The following LPP variants were observed in gnomAD, a reference collection of about 807,000 sequenced individuals.
LPP encodes the protein LIM domain containing preferred translocation partner in lipoma.
Under a neutral mutation model 60.4 loss-of-function variants are expected in LPP, and 38 were observed. That is an observed-to-expected ratio of 0.63 (90% CI 0.49 to 0.83). The LOEUF (loss-of-function observed/expected upper bound fraction) is 0.83. Ranked by LOEUF, LPP falls within the 40% of genes least tolerant of loss-of-function variation. The pLI, the probability that LPP is intolerant of heterozygous loss-of-function variation, is 0.00. For synonymous variants in LPP, 328 were observed against 290.8 expected (o/e 1.13, Z -1.30); for missense variants, 902 against 783.6 (o/e 1.15, Z -1.80).
intron 2 of LPP, among the ~76,000 whole-genome samples, chr3:188,228,855 A>C (rs999935302): frequency 6.6e-6 from 1 of 152,202 alleles, no homozygotes; most frequent in Non-Finnish European, 1.5e-5. Flanking sequence ...GAGCAAGTGC[A>C]TTGTTAAATG....
intron 7 of LPP, among the ~76,000 whole-genome samples, chr3:188,671,464 T>C (rs1264122449): frequency 6.6e-6 from 1 of 152,210 alleles, no homozygotes; most frequent in Non-Finnish European, 1.5e-5. Flanking sequence ...GCCATTTTTT[T>C]CTATGCAAAT....
In LPP at chr3:188,847,749, G is replaced by A. The variant is rs1007780671; in HGVS notation, c.1411-18451G>A. 5.9e-5 allele frequency among the ~76,000 whole-genome samples: 9 copies of A among 152,234 alleles called. No individual in the cohort carries two copies. The East Asian group carries it at 1.7e-3, about 29-fold the overall frequency. On this transcript the variant is annotated intron_variant, in intron 9 of 11. Transcript: ENST00000617246. Reference sequence around the variant, plus strand: ...AATTGGGATATTTGAAATGCCTAGAGTGGGCTTATAACTGTAAATGATATT... The same window carrying A: ...AATTGGGATATTTGAAATGCCTAGAATGGGCTTATAACTGTAAATGATATT...
intron 5 of LPP, among the ~76,000 whole-genome samples, chr3:188,495,459 T>G (rs1809913348): frequency 6.6e-6 from 1 of 151,964 alleles, no homozygotes; most frequent in Non-Finnish European, 1.5e-5. Flanking sequence ...ATAATTGTCA[T>G]GAAAGCAGTT....
Position 188,313,969 on chromosome 3 carries a change from T to G in LPP, c.-66-27694T>G, listed in dbSNP as rs1309201119. On this transcript the variant is annotated intron_variant, in intron 2 of 11. Transcript: ENST00000617246. ...GGGTCTGGATTTCAGTACATTGATT[T>G]TCTGCTCAGCCACTTTACTGAATTG... Among the ~76,000 whole-genome samples the G allele has an allele frequency of 5.3e-5, 8 of 152,292 alleles. No homozygotes were observed. In the South Asian group the frequency reaches 8.3e-4, roughly 16 times the overall value.
chr3:188,740,130 AG>A (rs1355085064), intron 8 of LPP, among the ~76,000 whole-genome samples: 3 of 152,096 alleles, frequency 2.0e-5, no homozygotes, highest in Non-Finnish European at 4.4e-5. Flanking sequence ...GAAGGGAGCC[AG>A]GTTGTCAATG....
intron 4 of LPP, among the ~76,000 whole-genome samples, chr3:188,411,187 G>C (rs1784806912): frequency 6.6e-6 from 1 of 151,988 alleles, no homozygotes; most frequent in South Asian, 2.1e-4. Flanking sequence ...TCAACTCACT[G>C]TCCGGGAAAT....
intron 4 of LPP, among the ~76,000 whole-genome samples, chr3:188,452,211 A>C (rs1403228792): frequency 6.6e-6 from 1 of 152,220 alleles, no homozygotes; most frequent in Non-Finnish European, 1.5e-5. Flanking sequence ...ACATTAATTA[A>C]GTTTCCTCAC....
intron 4 of LPP, among the ~76,000 whole-genome samples, chr3:188,463,219 C>A (rs1033621400): frequency 6.6e-6 from 1 of 152,108 alleles, no homozygotes; most frequent in African/African-American, 2.4e-5. Flanking sequence ...GACATAGGAT[C>A]TCACTCTGTT....
intron 6 of LPP, among the ~76,000 whole-genome samples, chr3:188,552,484 T>A (rs1324973464): frequency 6.6e-6 from 1 of 152,166 alleles, no homozygotes; most frequent in Non-Finnish European, 1.5e-5. Context: ...ACGAAATTGG[T>A]GTCTTAAAAC....
At chr3:188,720,455 T>C (rs1289572431) in intron 8 of LPP, among the ~76,000 whole-genome samples, 2 of 152,164 alleles carry the variant, frequency 1.3e-5, no homozygotes, top group East Asian at 1.9e-4. Context: ...ACTTGTGCCA[T>C]ATAAAATGCT....
intron 9 of LPP, among the ~76,000 whole-genome samples, chr3:188,766,031 C>T (rs140141627): frequency 0.058 from 8,775 of 151,522 alleles, 276 homozygotes; most frequent in Non-Finnish European, 0.067. Flanking sequence ...CCACCACGCC[C>T]GGCTAATTTT....
intron 8 of LPP, among the ~76,000 whole-genome samples, chr3:188,751,259 C>T (rs1727977869): frequency 6.6e-6 from 1 of 152,158 alleles, no homozygotes; most frequent in Non-Finnish European, 1.5e-5. Context: ...CAGATTTACC[C>T]TTTGAGTGGA....
chr3:188,198,022 AT>A (rs1730027798), intron 1 of LPP, among the ~76,000 whole-genome samples: 1 of 152,188 alleles, frequency 6.6e-6, no homozygotes, highest in South Asian at 2.1e-4. Flanking sequence ...GTAAAACCTC[AT>A]TCGTATACCT....
At chr3:188,567,187 G>A (rs570105774) in intron 6 of LPP, among the ~76,000 whole-genome samples, 2 of 151,964 alleles carry the variant, frequency 1.3e-5, no homozygotes, top group South Asian at 4.1e-4. Context: ...AGATGACGCT[G>A]TAAAACTTTT....
chr3:188,660,883 G>C (rs534699838), intron 7 of LPP, among the ~76,000 whole-genome samples: 3 of 152,202 alleles, frequency 2.0e-5, no homozygotes, highest in East Asian at 3.9e-4. Context: ...CATTAGCATT[G>C]ACTCTTGGTG....
intron 4 of LPP, among the ~76,000 whole-genome samples, chr3:188,460,619 A>G (rs770465477): frequency 6.7e-6 from 1 of 149,250 alleles, no homozygotes; most frequent in Non-Finnish European, 1.5e-5. Flanking sequence ...ATTTTAGGAA[A>G]CCATTTTCTT....
chr3:188,816,198 C>CTTTTTTTTTT (rs34839724), intron 9 of LPP, among the ~76,000 whole-genome samples: 1 of 103,952 alleles, frequency 9.6e-6, no homozygotes, highest in African/African-American at 3.6e-5. Context: ...GCTTCCTTCT[C>CTTTTTTTTTT]TTTTTTTTTT....
intron 4 of LPP, among the ~76,000 whole-genome samples, chr3:188,421,404 A>G (rs955682856): frequency 6.6e-6 from 1 of 152,086 alleles, no homozygotes; most frequent in African/African-American, 2.4e-5. Flanking sequence ...TCTGGCAATT[A>G]CTCTATTCTA....
intron 3 of LPP, among the ~76,000 whole-genome samples, chr3:188,342,673 C>T (rs1763361377): frequency 6.6e-6 from 1 of 152,178 alleles, no homozygotes; most frequent in African/African-American, 2.4e-5. Flanking sequence ...GCAACCATGA[C>T]TTCAGTTGCA....
Sources: gnomAD v4.1 joint callset for allele counts (sites outside exome capture counted in the v4.1 genomes callset) on GRCh38, gnomAD v4.1.1 for gene constraint, MANE v1.5 for transcripts, NCBI Gene and HGNC (gene_info 2026-07-23, HGNC 2026-07-21) for gene names.